DCUN1D4: variants seen among roughly 807,000 people sequenced by gnomAD.
The protein encoded by DCUN1D4 is DCN1-like protein 4.
DCUN1D4 carries 22 observed loss-of-function variants against 47.9 expected under a neutral mutation model. That is an observed-to-expected ratio of 0.46 (90% CI 0.33 to 0.66). The LOEUF (loss-of-function observed/expected upper bound fraction) is 0.66, where lower values mean the gene tolerates loss of function less well. Among genes scored for constraint, DCUN1D4 ranks in the 30% least tolerant of loss-of-function variants. The pLI, the probability that DCUN1D4 is intolerant of heterozygous loss-of-function variation, is 0.02. For synonymous variants in DCUN1D4, 121 were observed against 112.2 expected, an observed-to-expected ratio of 1.08 and a Z score of -0.50; for missense variants, 301 against 340.8, an observed-to-expected ratio of 0.88 and a Z score of 0.92.
chr4:51,871,328 C>T (rs1464053884), intron 3 of DCUN1D4, among the ~76,000 whole-genome samples: 3 of 152,148 alleles, frequency 2.0e-5, no homozygotes, highest in Admixed American at 2.0e-4. Context: ...TGTTAGTTAA[C>T]TTATGATGTT....
At chr4:51,911,260 G>A in intron 9 of DCUN1D4, 86 bp downstream of exon 9, 1 of 1,284,362 alleles carries the variant, frequency 7.8e-7, no homozygotes, top group South Asian at 1.3e-5. Flanking sequence ...GTAATTTTTT[G>A]TTTGTTGTAC....
chr4:51,883,025 C>G (rs930112593), intron 5 of DCUN1D4, among the ~76,000 whole-genome samples: 2 of 152,090 alleles, frequency 1.3e-5, no homozygotes, highest in Non-Finnish European at 2.9e-5. Context: ...AGCCTAAATA[C>G]TTTAGTAGAA....
At chr4:51,894,295 A>G (rs1014293658) in intron 7 of DCUN1D4, among the ~76,000 whole-genome samples, 1 of 152,212 alleles carries the variant, frequency 6.6e-6, no homozygotes, top group Non-Finnish European at 1.5e-5. Context: ...AGTGAGGTGG[A>G]GATAATTATT....
At chr4:51,895,845 C>T (rs550054129) in intron 7 of DCUN1D4, among the ~76,000 whole-genome samples, 12 of 152,264 alleles carry the variant, frequency 7.9e-5, no homozygotes, top group African/African-American at 2.6e-4. Context: ...ACTGTGACTT[C>T]TACACATTTT....
chr4:51,856,979 C>T (rs929234861), intron 1 of DCUN1D4, among the ~76,000 whole-genome samples: 2 of 152,146 alleles, frequency 1.3e-5, no homozygotes, highest in African/African-American at 2.4e-5. Context: ...CATCTGGCCT[C>T]GTCTTCAACT....
At chr4:51,852,006 T>C (rs1013711105) in intron 1 of DCUN1D4, among the ~76,000 whole-genome samples, 2 of 152,220 alleles carry the variant, frequency 1.3e-5, no homozygotes, top group African/African-American at 4.8e-5. Context: ...ACACTGCATG[T>C]ATATTGGAAT....
chr4:51,848,121 A>G (rs1722830176), intron 1 of DCUN1D4: 3 of 1,077,784 alleles, frequency 2.8e-6, no homozygotes, highest in Non-Finnish European at 3.7e-6. Flanking sequence ...TTCAAGGAAC[A>G]CAAGCTTTCA....
chr4:51,855,024 C>G (rs1723910977), intron 1 of DCUN1D4, among the ~76,000 whole-genome samples: 1 of 152,046 alleles, frequency 6.6e-6, no homozygotes, highest in East Asian at 1.9e-4. Context: ...AAGGGATACT[C>G]CAAAAGATAT....
chr4:51,876,654 G>A (rs911445422), intron 4 of DCUN1D4, among the ~76,000 whole-genome samples: 7 of 151,718 alleles, frequency 4.6e-5, no homozygotes, highest in East Asian at 1.9e-4. Flanking sequence ...TTTTTCAGCC[G>A]AACAGAGATG....
chr4:51,859,908 G>C (rs1474391678), intron 1 of DCUN1D4, among the ~76,000 whole-genome samples: 4 of 152,022 alleles, frequency 2.6e-5, no homozygotes, highest in African/African-American at 9.7e-5. Context: ...ATTGAAATAC[G>C]AGCAGAAGGA....
At chr4:51,834,492 C>G in the DCUN1D4 span, among the ~76,000 whole-genome samples, 1 of 152,092 alleles carries the variant, frequency 6.6e-6, no homozygotes, top group East Asian at 1.9e-4. Flanking sequence ...ATACCCTTCC[C>G]TAGATCATTA....
In DCUN1D4 at chr4:51,863,646, T is replaced by C. The variant is rs557459347; in HGVS notation, c.97-24T>C. The C allele has an allele frequency of 5.6e-6, 9 of 1,611,184 alleles. No homozygotes were observed. In the South Asian group the frequency reaches 6.7e-5, roughly 12 times the overall value. On this transcript the variant is annotated intron_variant, in intron 2 of 10. Coordinates refer to ENST00000334635, the MANE Select transcript of DCUN1D4 (RefSeq NM_001040402.3). ...ATGCTAACGGTATGTGATTTCTTCG[T>C]AATAACGAACATATTTCTTTCAGAA...
chr4:51,875,137 T>G (rs1161733417), intron 4 of DCUN1D4: 1 of 152,224 alleles, frequency 6.6e-6, no homozygotes, highest in Non-Finnish European at 1.5e-5. Flanking sequence ...TTCTGTTTCT[T>G]TCTTGCTGTG....
At chr4:51,854,434 G>T (rs1723823693) in intron 1 of DCUN1D4, among the ~76,000 whole-genome samples, 1 of 152,072 alleles carries the variant, frequency 6.6e-6, no homozygotes, top group South Asian at 2.1e-4. Flanking sequence ...TCACTGACTT[G>T]TGATCTGACC....
chr4:51,912,486 C>A (rs1733852050), intron 9 of DCUN1D4, among the ~76,000 whole-genome samples: 1 of 152,148 alleles, frequency 6.6e-6, no homozygotes, highest in Admixed American at 6.6e-5. Context: ...ATCCTCAAAA[C>A]CATTGACTCA....
rs1174420923 is a variant in DCUN1D4, at chr4:51,905,915, G to A, written c.616-5155G>A. Among the ~76,000 whole-genome samples, 6 of 152,200 alleles carry A rather than the reference G, an allele frequency of 3.9e-5. No homozygotes were observed. The East Asian group carries it at 1.2e-3, about 29-fold the overall frequency. On this transcript the variant is annotated intron_variant, in intron 8 of 10. Transcript: ENST00000334635. The stretch of plus-strand genomic sequence containing the variant: ...TGAGAAGTTTGAGAGGAGCCCTGGT[G>A]GAGTGATCGAGGTGAACCAGACAGA...
At chr4:51,906,252 T>A (rs1026508688) in intron 8 of DCUN1D4, among the ~76,000 whole-genome samples, 8 of 152,070 alleles carry the variant, frequency 5.3e-5, no homozygotes, top group Non-Finnish European at 8.8e-5. Context: ...GAGGCTGTGT[T>A]TCAGGAAGCT....
rs940997142 is a variant in DCUN1D4 at position 51,914,479 on chromosome 4, G to A, written c.*895G>A. 7 of 152,524 alleles carry A rather than the reference G, an allele frequency of 4.6e-5. No individual in the cohort carries two copies. The highest frequency in any genetic ancestry group is 1.7e-4 in the African/African-American group (7 of 41,418). The allele number at this position is 152,524 out of a possible 1,614,324, so 9.4% of individuals were successfully genotyped here. The stretch of plus-strand genomic sequence containing the variant: ...TGAAAACCTCATGGTTTTGCTGGCT[G>A]TTTATAACTGCATCGCACTTCTAGT... On this transcript the variant is annotated 3_prime_UTR_variant, in exon 11 of 11. Transcript: ENST00000334635.
rs749351948 is a variant in DCUN1D4 at position 51,843,225 on chromosome 4, G to C, written c.-18G>C. On this transcript the variant is annotated 5_prime_UTR_variant, in exon 1 of 11. Coordinates refer to ENST00000334635, the MANE Select transcript of DCUN1D4 (RefSeq NM_001040402.3). Reference sequence around the variant, plus strand: ...GCGCGGGAGCCTGGGCGGCGAGCCGGGTGTGAGCTGCCTGAAAATGCACTC... The same window carrying C: ...GCGCGGGAGCCTGGGCGGCGAGCCGCGTGTGAGCTGCCTGAAAATGCACTC... The C allele has an allele frequency of 7.1e-6, 11 of 1,541,528 alleles. No homozygotes were observed. The highest frequency in any genetic ancestry group is 2.5e-5 in the East Asian group (1 of 40,132).
Sources: allele counts gnomAD v4.1 joint callset (sites outside exome capture counted in the v4.1 genomes callset), GRCh38; gene constraint gnomAD v4.1.1; transcripts MANE v1.5; gene names NCBI Gene and HGNC (gene_info 2026-07-23, HGNC 2026-07-21).